TRPM7: variants seen among roughly 807,000 people sequenced by gnomAD.
TRPM7 encodes transient receptor potential cation channel subfamily M member 7, also known as LTRPC ion channel family member 7.
TRPM7 carries 134 observed loss-of-function variants against 229.7 expected under a neutral mutation model. The observed-to-expected ratio is 0.58, with a 90% CI of 0.51 to 0.67. The LOEUF (loss-of-function observed/expected upper bound fraction) is 0.67, where lower values mean the gene tolerates loss of function less well. Ranked by LOEUF, TRPM7 falls within the 30% of genes least tolerant of loss-of-function variation. The pLI is 0.00. For missense variants in TRPM7, 1,901 were observed against 2,210.0 expected (o/e 0.86, Z 2.80); for synonymous variants, 699 against 715.2 (o/e 0.98, Z 0.36).
At chr15:50,643,238 G>A (rs1413156329) in intron 5 of TRPM7, 102 bp downstream of exon 5, 10 of 939,008 alleles carry the variant, frequency 1.1e-5, no homozygotes, top group East Asian at 5.0e-5. Flanking sequence ...GCAGTGAGCC[G>A]AGATTGTGCC....
intron 38 of TRPM7, among the ~76,000 whole-genome samples, chr15:50,562,628 C>T (rs190024121): frequency 3.3e-5 from 5 of 151,936 alleles, no homozygotes; most frequent in African/African-American, 1.2e-4. Flanking sequence ...AAAAATTAGC[C>T]AGGTGTGGTG....
intron 22 of TRPM7, among the ~76,000 whole-genome samples, chr15:50,598,169 T>A: frequency 6.6e-6 from 1 of 151,288 alleles, no homozygotes; most frequent in African/African-American, 2.4e-5. Flanking sequence ...TTGGGGGAGG[T>A]AAGAATGAAG....
chr15:50,574,613 C>T (rs774292813), intron 35 of TRPM7, 24 bp downstream of exon 35: 27 of 1,594,472 alleles, frequency 1.7e-5, no homozygotes, highest in Non-Finnish European at 2.2e-5. Context: ...AATAAAAGAT[C>T]CCAGAAAAAA....
In TRPM7 at chr15:50,679,520, A is replaced by ATGTG. The variant is rs1567129270; in HGVS notation, c.3+7010_3+7011insCACA. On this transcript the variant is annotated intron_variant, in intron 1 of 38. Coordinates refer to ENST00000646667, the MANE Select transcript of TRPM7 (RefSeq NM_017672.6). The stretch of plus-strand genomic sequence containing the variant: ...ATATGTGTATATATATAATATATAT[A>ATGTG]TATATATATATATATATATTTTTTT... 1.2e-3 allele frequency among the ~76,000 whole-genome samples: 22 copies of ATGTG among 18,770 alleles called. 2 individuals are homozygous for ATGTG. The highest frequency in any genetic ancestry group is 2.5e-3 in the African/African-American group (19 of 7,536). The allele number at this position is 18,770 out of a possible 152,430, so 12.3% of individuals were successfully genotyped here. A position where few individuals can be genotyped will look rare whatever the true frequency, so the allele number is the denominator to read the frequency against.
chr15:50,662,306 G>A (rs1480844134), intron 2 of TRPM7, among the ~76,000 whole-genome samples: 2 of 147,922 alleles, frequency 1.4e-5, no homozygotes, highest in East Asian at 2.0e-4. Flanking sequence ...CAGCCTGGAC[G>A]ACAGAGCAAG....
intron 3 of TRPM7, among the ~76,000 whole-genome samples, chr15:50,652,575 A>T (rs2061451624): frequency 6.6e-6 from 1 of 151,882 alleles, no homozygotes; most frequent in Admixed American, 6.6e-5. Flanking sequence ...AGAAAATTCA[A>T]AGCCAGATGC....
intron 5 of TRPM7, among the ~76,000 whole-genome samples, chr15:50,639,950 C>T (rs564771807): frequency 6.6e-6 from 1 of 152,104 alleles, no homozygotes; most frequent in Non-Finnish European, 1.5e-5. Flanking sequence ...GCCAAACCTA[C>T]AGAAGAATAC....
In TRPM7 at chr15:50,648,763, T is replaced by C; in HGVS notation, c.245A>G (p.Lys82Arg). ...NQAIEEWSVE[K>R]HTEQSPTDAY... ...ATCCGTTGGGCTCTGTTCTGTATGCTTTTCCACAGACCATTCTTCTATTGC... is the reference window on the plus strand; with the variant it reads ...ATCCGTTGGGCTCTGTTCTGTATGCCTTTCCACAGACCATTCTTCTATTGC... The change falls in exon 4 of 39, where the codon AAG (lysine) becomes AGG (arginine). Residue 82 changes from lysine to arginine, a missense_variant. Physicochemically the swap from Lys to Arg is conservative, Grantham distance 26. Transcript: ENST00000646667. 1.2e-6 allele frequency: 2 copies of C among 1,613,642 alleles called. No homozygotes were observed. The highest frequency in any genetic ancestry group is 1.7e-6 in the Non-Finnish European group (2 of 1,179,730).
chr15:50,570,127 AGATG>A lies in TRPM7; in HGVS notation c.5333_5336del (p.Pro1778LeufsTer2). 1 of 1,609,694 alleles carries A rather than the reference AGATG, an allele frequency of 6.2e-7. No homozygotes were observed. The highest frequency in any genetic ancestry group is 8.5e-7 in the Non-Finnish European group (1 of 1,178,228). On this transcript the variant is annotated frameshift_variant, in exon 37 of 39. Transcript: ENST00000646667. LOFTEE classifies it high-confidence loss of function. ...ACCTCTTTTCTTCTGCTTTTATCAC[AGATG>A]GGTCAGTCAAATTTTCACCAACACC...
chr15:50,684,292 A>T lies in TRPM7; in HGVS notation c.3+2239T>A, dbSNP rs1200540873. On this transcript the variant is annotated intron_variant, in intron 1 of 38. Coordinates refer to ENST00000646667, the MANE Select transcript of TRPM7 (RefSeq NM_017672.6). The stretch of plus-strand genomic sequence containing the variant: ...CTTAGCCTCCTGAGTAGCTAGGATT[A>T]CCACGCCCGATTACTGATCAAGTCT... Among the ~76,000 whole-genome samples the T allele has an allele frequency of 2.6e-5, 4 of 151,944 alleles. No homozygotes were observed. The South Asian group carries it at 8.3e-4, about 32-fold the overall frequency.
chr15:50,566,262 C>G lies in TRPM7; in HGVS notation c.5467+3625G>C, dbSNP rs527941689. Among the ~76,000 whole-genome samples, 4 of 151,992 alleles carry G rather than the reference C, an allele frequency of 2.6e-5. No homozygotes were observed. The South Asian group carries it at 8.3e-4, about 32-fold the overall frequency. On this transcript the variant is annotated intron_variant, in intron 38 of 38. Transcript: ENST00000646667. ...CTATTTAAGAACTAAACAAGACAAT[C>G]CATACATCAAAGAGGAATAACAACT...
At chr15:50,645,568 G>T (rs182811928) in intron 4 of TRPM7, among the ~76,000 whole-genome samples, 43 of 152,250 alleles carry the variant, frequency 2.8e-4, no homozygotes, top group African/African-American at 9.9e-4. Context: ...CTGACCTCAG[G>T]TGATCCATCT....
chr15:50,673,634 G>GTATATATATATATATA (rs35356193), intron 1 of TRPM7, among the ~76,000 whole-genome samples: 2 of 150,430 alleles, frequency 1.3e-5, no homozygotes, highest in African/African-American at 4.9e-5. Context: ...GTATTCCCTC[G>GTATATATATATATATA]TATATATATA....
chr15:50,637,596 A>G lies in TRPM7; in HGVS notation c.661-3T>C. ...AAGGTTTGATAAGGAGCAACCACCT[A>G]AACAATAGCAAACAAAAGAGTTAGT... is the stretch of plus-strand genomic sequence containing the variant. On this transcript the variant is annotated splice_region_variant and splice_polypyrimidine_tract_variant and intron_variant, in intron 6 of 38. Transcript: ENST00000646667. 2 of 1,608,278 alleles carry G rather than the reference A, an allele frequency of 1.2e-6. No individual in the cohort carries two copies. Among genetic ancestry groups the G allele is most frequent in the South Asian group, 2.2e-5 (2 of 89,976 alleles).
Position 50,612,775 on chromosome 15 carries a change from C to G in TRPM7, c.1825G>C (p.Asp609His). The G allele has an allele frequency of 1.2e-6, 2 of 1,613,992 alleles. No individual in the cohort carries two copies. The highest frequency in any genetic ancestry group is 1.7e-6 in the Non-Finnish European group (2 of 1,179,968). Residue 609 changes from aspartate (D) to histidine (H), a missense_variant, in exon 16 of 39, where the codon GAC becomes CAC. Physicochemically the swap from Asp to His is moderately conservative, Grantham distance 81 (BLOSUM62 -1). Transcript: ENST00000646667. ...CGCTTGGTTTCTGGATCATCAATGT[C>G]TACAATTTCATCTTTGGTTCTTTTC... ...KKKRTKDEIV[D>H]IDDPETKRFP... is the part of the protein sequence containing the mutation.
rs1386037283 is a variant in TRPM7 at position 50,592,080 on chromosome 15, G to A, written c.4155C>T (p.Gly1385=). 2 of 1,611,988 alleles carry A rather than the reference G, an allele frequency of 1.2e-6. No individual in the cohort carries two copies. The highest frequency in any genetic ancestry group is 1.3e-5 in the African/African-American group (1 of 74,836). ...GATGTGGTATGCTAGTAGATGAACT[G>A]CCTAATTTTTGATTTTTATTAAATA... ...LKIFNKNQKL[G]SSSTSIPHLS... is the part of the protein sequence containing the mutation. Residue 1385 remains glycine (G), a synonymous_variant, in exon 26 of 39, where the codon GGC becomes GGT. Transcript: ENST00000646667.
At chr15:50,681,042 G>A (rs1043597791) in intron 1 of TRPM7, among the ~76,000 whole-genome samples, 4 of 152,140 alleles carry the variant, frequency 2.6e-5, no homozygotes, top group African/African-American at 9.7e-5. Context: ...CACGAGGTCA[G>A]GAGTTCGAGA....
chr15:50,637,112 C>A (rs1279173045), intron 7 of TRPM7, among the ~76,000 whole-genome samples: 2 of 144,910 alleles, frequency 1.4e-5, no homozygotes, highest in Admixed American at 7.3e-5. Flanking sequence ...GGTGACAGAG[C>A]GAGACTCCGC....
Position 50,609,840 on chromosome 15 carries a change from T to C in TRPM7, c.2402A>G (p.Asn801Ser). Residue 801 changes from asparagine (N) to serine (S), a missense_variant, in exon 18 of 39, where the codon AAC becomes AGC. Asn to Ser is a conservative substitution (Grantham distance 46). This residue lies in a region of TRPM7 where 207 missense variants were observed against 241.5 expected (regional missense o/e 0.86). Coordinates refer to ENST00000646667, the MANE Select transcript of TRPM7 (RefSeq NM_017672.6). Reference protein sequence around the residue: ...AHQMTMDDSENNFQNITEEIP... With the variant: ...AHQMTMDDSESNFQNITEEIP... ...CTCTTCTGTTATGTTCTGAAAGTTGTTTTCGCTGTCATCCATTGTCATCTG... is the reference window on the plus strand; with the variant it reads ...CTCTTCTGTTATGTTCTGAAAGTTGCTTTCGCTGTCATCCATTGTCATCTG... 6.2e-7 allele frequency: 1 copy of C among 1,613,094 alleles called. No individual in the cohort carries two copies. The highest frequency in any genetic ancestry group is 2.2e-5 in the East Asian group (1 of 44,796).
Sources: gnomAD v4.1 joint callset for allele counts (sites outside exome capture counted in the v4.1 genomes callset) on GRCh38, gnomAD v4.1.1 for gene constraint, gnomAD v4.1.1 regional missense constraint, MANE v1.5 for transcripts, NCBI Gene and HGNC (gene_info 2026-07-23, HGNC 2026-07-21) for gene names.